Variants in NPC1L1 observed in about 807,000 individuals in gnomAD.
The protein encoded by NPC1L1 is NPC1 like intracellular cholesterol transporter 1, also known as NPC1-like intracellular cholesterol transporter 1.
A neutral mutation model predicts 117.0 loss-of-function variants in NPC1L1; 98 were observed. The observed-to-expected ratio is 0.84, with a 90% CI of 0.71 to 0.99. The LOEUF (loss-of-function observed/expected upper bound fraction) is 0.99, where lower values mean the gene tolerates loss of function less well. NPC1L1 is among the 50% of genes least tolerant of loss of function. The probability of loss-of-function intolerance (pLI) is 0.00; values close to 1 mark genes in which losing one functional copy is unlikely to be tolerated. For missense variants in NPC1L1, 1,540 were observed against 1,710.0 expected (o/e 0.90, Z 1.75); for synonymous variants, 729 against 727.6 (o/e 1.00, Z -0.03).
At chr7:44,516,581 G>T in intron 16 of NPC1L1, 122 bp downstream of exon 16, 3 of 848,728 alleles carry the variant, frequency 3.5e-6, no homozygotes, top group Admixed American at 2.0e-5. Flanking sequence ...CCTCAAGCCT[G>T]AGCAACAGAG....
At position 44,540,112 on chromosome 7, in the gene NPC1L1, C is replaced by T. The variant is rs1326146176; in HGVS notation, c.285G>A (p.Gln95=). 5 of 1,614,070 alleles carry T rather than the reference C, an allele frequency of 3.1e-6. No homozygotes were observed. The Admixed American group carries it at 8.3e-5, about 27-fold the overall frequency. The stretch of plus-strand genomic sequence containing the variant: ...ACAGACTCGCTTCCAGTGATACCAG[C>T]TGCTTGGCGGAGCAGCAGGCTTGGG... ...PNTQACCSAK[Q]LVSLEASLSI... The change falls in exon 2 of 19, where the codon CAG becomes CAA. Residue 95 remains glutamine, a synonymous_variant. Coordinates refer to ENST00000381160, the MANE Select transcript of NPC1L1 (RefSeq NM_001101648.2).
chr7:44,533,081 G>A (rs1428496212), intron 8 of NPC1L1: 5 of 301,574 alleles, frequency 1.7e-5, no homozygotes, highest in South Asian at 1.5e-4. Context: ...ACTCCAGCCT[G>A]GGTGACAGAG....
At chr7:44,531,230 C>G (rs1462735787) in intron 10 of NPC1L1, among the ~76,000 whole-genome samples, 1 of 152,194 alleles carries the variant, frequency 6.6e-6, no homozygotes, top group Non-Finnish European at 1.5e-5. Flanking sequence ...CAGCACTCTC[C>G]CCGACCATGC....
chr7:44,520,034 C>T (rs1318903228), intron 14 of NPC1L1, among the ~76,000 whole-genome samples: 2 of 152,122 alleles, frequency 1.3e-5, no homozygotes, highest in African/African-American at 4.8e-5. Flanking sequence ...AATACTAGCA[C>T]TTTGGGAGGC....
intron 8 of NPC1L1, 150 bp downstream of exon 8, chr7:44,533,281 T>C: frequency 2.3e-6 from 2 of 881,246 alleles, no homozygotes; most frequent in East Asian, 2.7e-5. Flanking sequence ...AATTGGAGAA[T>C]ACATGGCCTA....
chr7:44,537,890 C>T (rs1230518058), intron 2 of NPC1L1, among the ~76,000 whole-genome samples: 1 of 152,194 alleles, frequency 6.6e-6, no homozygotes, highest in East Asian at 1.9e-4. Flanking sequence ...GGGTTCCTGG[C>T]ACAGACACTC....
chr7:44,531,795 T>A lies in NPC1L1; in HGVS notation c.2597A>T (p.His866Leu). Reference sequence around the variant, plus strand: ...CTCCTGGTCCAGTCCCACGCTGATGTGGCACATGGAGTAGAGGCTCACTCC... The same window carrying A: ...CTCCTGGTCCAGTCCCACGCTGATGAGGCACATGGAGTAGAGGCTCACTCC... Reference protein sequence around the residue: ...LFGVSLYSMCHISVGLDQELA... With the variant: ...LFGVSLYSMCLISVGLDQELA... The change falls in exon 10 of 19, where the codon CAC becomes CTC. Residue 866 changes from histidine to leucine, a missense_variant. Physicochemically the swap from His to Leu is moderately conservative, Grantham distance 99. Around this residue, in one of 3 missense-constraint regions of NPC1L1, gnomAD observed 742 missense variants for 873.6 expected, o/e 0.85. Transcript: ENST00000381160. 2 of 1,589,780 alleles carry A rather than the reference T, an allele frequency of 1.3e-6. No individual in the cohort carries two copies. Among genetic ancestry groups the A allele is most frequent in the East Asian group, 2.3e-5 (1 of 44,118 alleles).
At chr7:44,528,525 C>T (rs114093870) in intron 10 of NPC1L1, among the ~76,000 whole-genome samples, 173 of 152,274 alleles carry the variant, frequency 1.1e-3, no homozygotes, top group African/African-American at 4.1e-3. Context: ...ATAACTTCAG[C>T]ACATTTAAGA....
intron 10 of NPC1L1, among the ~76,000 whole-genome samples, 186 bp downstream of exon 10, chr7:44,531,569 T>C (rs1384311929): frequency 2.6e-5 from 4 of 152,192 alleles, no homozygotes; most frequent in African/African-American, 4.8e-5. Context: ...CACCTGGCTG[T>C]TGTGCTGTTC....
chr7:44,515,728 G>A (rs182139631), intron 18 of NPC1L1, 75 bp downstream of exon 18: 1 of 1,585,606 alleles, frequency 6.3e-7, no homozygotes, highest in East Asian at 2.2e-5. Flanking sequence ...CTGAGCTTTT[G>A]TGGTGAGCAT....
chr7:44,527,796 T>G (rs1385066032), intron 10 of NPC1L1, among the ~76,000 whole-genome samples: 2 of 152,190 alleles, frequency 1.3e-5, no homozygotes, highest in African/African-American at 4.8e-5. Flanking sequence ...AAAAAATCAT[T>G]AGCCTATGAT....
At chr7:44,517,498 T>C (rs1461229668) in intron 14 of NPC1L1, 141 bp from the exon 15 acceptor site, 3 of 1,097,966 alleles carry the variant, frequency 2.7e-6, no homozygotes, top group Non-Finnish European at 2.6e-6. Flanking sequence ...TTGAAATTCT[T>C]AGTAAATTTT....
chr7:44,521,349 C>A (rs566544048), intron 12 of NPC1L1, among the ~76,000 whole-genome samples: 2 of 152,190 alleles, frequency 1.3e-5, no homozygotes, highest in Admixed American at 1.3e-4. Context: ...GAAAAACAGG[C>A]CCCACAAAGG....
chr7:44,541,330 T>A lies in NPC1L1; in HGVS notation c.-71A>T. 7.0e-7 allele frequency: 1 copy of A among 1,423,748 alleles called. No homozygotes were observed. The highest frequency in any genetic ancestry group is 9.6e-7 in the Non-Finnish European group (1 of 1,041,118). 88.2% of individuals were successfully genotyped at this position (1,423,748 alleles called of 1,614,324 possible). A position where few individuals can be genotyped will look rare whatever the true frequency, so the allele number is the denominator to read the frequency against. On this transcript the variant is annotated 5_prime_UTR_variant, in exon 1 of 19. Transcript: ENST00000381160. Reference sequence around the variant, plus strand: ...GAACAGCCAAGGGCTGAACACACATTAAGGCAGCCTCCTCCCCTTCGATGA... The same window carrying A: ...GAACAGCCAAGGGCTGAACACACATAAAGGCAGCCTCCTCCCCTTCGATGA...
At chr7:44,523,365 G>T (rs994753128) in intron 10 of NPC1L1, among the ~76,000 whole-genome samples, 1 of 152,116 alleles carries the variant, frequency 6.6e-6, no homozygotes, top group Non-Finnish European at 1.5e-5. Flanking sequence ...CTAGTGTAAC[G>T]ATTTTGGAAC....
In NPC1L1 at chr7:44,540,310, C is replaced by A. The variant is rs1462624642; in HGVS notation, c.87G>T (p.Gln29His). 6.2e-7 allele frequency: 1 copy of A among 1,613,478 alleles called. No homozygotes were observed. The highest frequency in any genetic ancestry group is 8.5e-7 in the Non-Finnish European group (1 of 1,180,024). The change falls in exon 2 of 19, where the codon CAG becomes CAT. Residue 29 changes from glutamine (Q) to histidine (H), a missense_variant. By Grantham distance (24) the Gln-to-His change is conservative (BLOSUM62 0). Transcript: ENST00000381160. ...CGTCATAGAAGGCGCAGTAGCCAGG[C>A]TGGTGGATGGTTGTGTAAGGCTCAC... The part of the protein sequence containing the change: ...AQSEPYTTIH[Q>H]PGYCAFYDEC...
chr7:44,518,262 C>T (rs1416328459), intron 14 of NPC1L1, among the ~76,000 whole-genome samples: 2 of 151,408 alleles, frequency 1.3e-5, no homozygotes, highest in Non-Finnish European at 2.9e-5. Flanking sequence ...TTCTGCTTCC[C>T]GGGTTCAAGT....
chr7:44,540,491 C>T, intron 1 of NPC1L1, 149 bp from the exon 2 acceptor site: 3 of 736,918 alleles, frequency 4.1e-6, no homozygotes, highest in Non-Finnish European at 7.1e-6. Flanking sequence ...CTCCTGGAGG[C>T]ATGTGCCAGC....
intron 11 of NPC1L1, 56 bp from the exon 12 acceptor site, chr7:44,521,892 C>T (rs1002158766): frequency 3.7e-6 from 6 of 1,611,598 alleles, no homozygotes; most frequent in Middle Eastern, 3.7e-4. Context: ...GTGGTGGGTC[C>T]TTCTCGTGGC....
Sources: allele counts gnomAD v4.1 joint callset (sites outside exome capture counted in the v4.1 genomes callset), GRCh38; gene constraint gnomAD v4.1.1; regional missense constraint gnomAD v4.1.1; transcripts MANE v1.5; gene names NCBI Gene and HGNC (gene_info 2026-07-23, HGNC 2026-07-21).